SPTLC2: variants seen among roughly 807,000 people sequenced by gnomAD.
SPTLC2 encodes the protein serine palmitoyltransferase 2.
Under a neutral mutation model 62.0 loss-of-function variants are expected in SPTLC2, and 21 were observed. The observed-to-expected ratio is 0.34, with a 90% CI of 0.24 to 0.49. SPTLC2 has a LOEUF of 0.49. Ranked by LOEUF, SPTLC2 falls within the 20% of genes least tolerant of loss-of-function variation. The pLI is 0.99. For missense variants in SPTLC2, 511 were observed against 713.0 expected, an observed-to-expected ratio of 0.72 and a Z score of 3.23; for synonymous variants, 261 against 261.8, an observed-to-expected ratio of 1.00 and a Z score of 0.03.
intron 6 of SPTLC2, among the ~76,000 whole-genome samples, chr14:77,558,585 A>C (rs1217836289): frequency 2.0e-5 from 3 of 152,024 alleles, no homozygotes; most frequent in Non-Finnish European, 4.4e-5. Flanking sequence ...TGTTCCCTAC[A>C]GAAGTAAATT....
At chr14:77,593,686 C>T (rs1283671807) in intron 2 of SPTLC2, among the ~76,000 whole-genome samples, 3 of 152,258 alleles carry the variant, frequency 2.0e-5, no homozygotes, top group Admixed American at 6.5e-5. Flanking sequence ...AAAGAATTAA[C>T]ACAGTTAAAC....
intron 10 of SPTLC2, among the ~76,000 whole-genome samples, chr14:77,518,438 A>T (rs1049128794): frequency 4.6e-5 from 7 of 152,148 alleles, no homozygotes; most frequent in African/African-American, 1.4e-4. Flanking sequence ...TCTACCAAAA[A>T]TACAAAAAAT....
chr14:77,573,236 T>C (rs1055116207), intron 4 of SPTLC2, among the ~76,000 whole-genome samples: 4 of 152,028 alleles, frequency 2.6e-5, no homozygotes, highest in Non-Finnish European at 5.9e-5. Flanking sequence ...GGTACAAATA[T>C]AGAGTTAGAA....
In SPTLC2 at chr14:77,531,567, G is replaced by C. The variant is rs540878811; in HGVS notation, c.1304-9986C>G. 2.9e-4 allele frequency among the ~76,000 whole-genome samples: 43 copies of C among 147,420 alleles called. No homozygotes were observed. The East Asian group carries it at 4.7e-3, about 16-fold the overall frequency. Reference sequence around the variant, plus strand: ...TTGCTTTTGTTGCCCAGGCTGGAGTGCAATGGCACAATCTCGGTCCACCGC... The same window carrying C: ...TTGCTTTTGTTGCCCAGGCTGGAGTCCAATGGCACAATCTCGGTCCACCGC... On this transcript the variant is annotated intron_variant, in intron 9 of 11. Transcript: ENST00000216484.
intron 1 of SPTLC2, among the ~76,000 whole-genome samples, chr14:77,600,240 T>C (rs753089559): frequency 6.6e-6 from 1 of 152,194 alleles, no homozygotes; most frequent in Non-Finnish European, 1.5e-5. Context: ...CAAAATTAAA[T>C]GTATTTTAAA....
At chr14:77,513,551 G>A (rs150696946) in intron 11 of SPTLC2, among the ~76,000 whole-genome samples, 1,706 of 152,204 alleles carry the variant, frequency 0.011, 34 homozygotes, top group African/African-American at 0.039. Context: ...AGAACCCATC[G>A]ACCATTTATT....
intron 3 of SPTLC2, 73 bp from the exon 4 acceptor site, chr14:77,576,988 G>C: frequency 6.4e-7 from 1 of 1,552,708 alleles, no homozygotes; most frequent in Non-Finnish European, 8.9e-7. Flanking sequence ...AAATGAACTG[G>C]TGACACAAAA....
chr14:77,540,827 A>G (rs566701268), intron 9 of SPTLC2, among the ~76,000 whole-genome samples: 120 of 152,314 alleles, frequency 7.9e-4, no homozygotes, highest in Middle Eastern at 3.4e-3. Context: ...TAATTATGGC[A>G]TAAGTCCATA....
intron 9 of SPTLC2, 113 bp from the exon 10 acceptor site, chr14:77,521,694 T>A: frequency 1.1e-6 from 1 of 946,610 alleles, no homozygotes; most frequent in Non-Finnish European, 1.7e-6. Context: ...TTCGTTTTTT[T>A]CCATTTCACC....
intron 2 of SPTLC2, among the ~76,000 whole-genome samples, chr14:77,591,622 G>A (rs2079817050): frequency 2.0e-5 from 3 of 152,094 alleles, no homozygotes; most frequent in African/African-American, 7.2e-5. Flanking sequence ...GTGCAGTGGT[G>A]CAATCTTAGC....
chr14:77,604,595 C>T (rs1042160616), intron 1 of SPTLC2, among the ~76,000 whole-genome samples: 3 of 152,068 alleles, frequency 2.0e-5, no homozygotes, highest in Non-Finnish European at 2.9e-5. Flanking sequence ...CGGCCAGATG[C>T]GGTGGCTCAC....
intron 7 of SPTLC2, 25 bp from the exon 8 acceptor site, chr14:77,555,544 A>C (rs1471188156): frequency 6.3e-7 from 1 of 1,597,588 alleles, no homozygotes; most frequent in Admixed American, 1.7e-5. Flanking sequence ...AAAAATATAT[A>C]TATACACATA....
rs980609508 is a variant in SPTLC2 at position 77,506,252 on chromosome 14, A to G, written c.*6032T>C. ...ACATTACTAAAATGTTTAAGCTTTT[A>G]TTTACACATCCCCTTCTCTCAGTTT... On this transcript the variant is annotated 3_prime_UTR_variant, in exon 12 of 12. Coordinates refer to ENST00000216484, the MANE Select transcript of SPTLC2 (RefSeq NM_004863.4). 2 of 152,240 alleles carry G rather than the reference A, an allele frequency of 1.3e-5. No homozygotes were observed. Among genetic ancestry groups the G allele is most frequent in the African/African-American group, 4.8e-5 (2 of 41,468 alleles). 9.4% of individuals were successfully genotyped at this position (152,240 alleles called of 1,614,324 possible).
intron 1 of SPTLC2, among the ~76,000 whole-genome samples, chr14:77,604,195 G>A (rs530244248): frequency 3.4e-4 from 52 of 152,278 alleles, no homozygotes; most frequent in Non-Finnish European, 4.7e-4. Flanking sequence ...CACCTCTGCC[G>A]AAAGAAATCC....
At chr14:77,575,688 C>T (rs981716185) in intron 4 of SPTLC2, among the ~76,000 whole-genome samples, 4 of 152,178 alleles carry the variant, frequency 2.6e-5, no homozygotes, top group South Asian at 4.1e-4. Context: ...TGCGCCACCA[C>T]GTTCGGCTAC....
intron 4 of SPTLC2, among the ~76,000 whole-genome samples, chr14:77,575,225 A>T (rs1020686552): frequency 2.6e-5 from 4 of 152,226 alleles, no homozygotes; most frequent in Non-Finnish European, 5.9e-5. Context: ...CCATCTATGC[A>T]TCAATCTATC....
At chr14:77,572,302 G>T (rs2079688530) in intron 4 of SPTLC2, among the ~76,000 whole-genome samples, 1 of 152,082 alleles carries the variant, frequency 6.6e-6, no homozygotes, top group South Asian at 2.1e-4. Flanking sequence ...GGATAACCAA[G>T]AAATAAAAGC....
intron 1 of SPTLC2, among the ~76,000 whole-genome samples, chr14:77,614,576 A>G (rs2079955362): frequency 6.6e-6 from 1 of 151,964 alleles, no homozygotes; most frequent in African/African-American, 2.4e-5. Flanking sequence ...AGGCAGGAGA[A>G]TGGCGTGAAC....
intron 9 of SPTLC2, among the ~76,000 whole-genome samples, chr14:77,538,387 A>G (rs2079481904): frequency 6.6e-6 from 1 of 152,222 alleles, no homozygotes; most frequent in Non-Finnish European, 1.5e-5. Flanking sequence ...TTATTCTCAC[A>G]TCTAATAATC....
Sources: allele counts gnomAD v4.1 joint callset (sites outside exome capture counted in the v4.1 genomes callset), GRCh38; gene constraint gnomAD v4.1.1; transcripts MANE v1.5; gene names NCBI Gene and HGNC (gene_info 2026-07-23, HGNC 2026-07-21).